The following PTPRF variants were observed in gnomAD, a reference collection of about 807,000 sequenced individuals.
PTPRF encodes the protein protein tyrosine phosphatase receptor type F.
PTPRF carries 59 observed loss-of-function variants against 201.8 expected under a neutral mutation model. That is an observed-to-expected ratio of 0.29 (90% CI 0.24 to 0.36). PTPRF has a LOEUF of 0.36. PTPRF is among the 10% of genes least tolerant of loss of function. The pLI, the probability that PTPRF is intolerant of heterozygous loss-of-function variation, is 1.00. For missense variants in PTPRF, 2,132 were observed against 2,690.5 expected (o/e 0.79, Z 4.59); for synonymous variants, 1,088 against 1,089.7 (o/e 1.00, Z 0.03).
intron 12 of PTPRF, 159 bp from the exon 13 acceptor site, chr1:43,598,561 T>G: frequency 1.4e-6 from 1 of 695,460 alleles, no homozygotes. Flanking sequence ...AGAGGGAGCC[T>G]TCCGTGTGCC....
At chr1:43,544,124 C>T (rs1163785878) in intron 2 of PTPRF, among the ~76,000 whole-genome samples, 1 of 152,230 alleles carries the variant, frequency 6.6e-6, no homozygotes, top group Non-Finnish European at 1.5e-5. Flanking sequence ...CAGCCAGTCC[C>T]AGACGCTACT....
intron 22 of PTPRF, 140 bp downstream of exon 22, chr1:43,609,638 C>A (rs770044501): frequency 4.9e-5 from 31 of 638,206 alleles, no homozygotes; most frequent in Non-Finnish European, 8.2e-5. Context: ...TTCTGCCCTT[C>A]TCCCTGTGCT....
At position 43,603,881 on chromosome 1, in the gene PTPRF, C is replaced by A. The variant is rs1654402454; in HGVS notation, c.2729C>A (p.Thr910Asn). ...GAGGAGTTCGAGAAGGAGATCAGGACCCCCGAGGACCTGCCCAGCGGCTTC... is the reference window on the plus strand; with the variant it reads ...GAGGAGTTCGAGAAGGAGATCAGGAACCCCGAGGACCTGCCCAGCGGCTTC... ...LGEEFEKEIR[T>N]PEDLPSGFPQ... The change falls in exon 16 of 34, where the codon ACC becomes AAC. Residue 910 changes from threonine (T) to asparagine (N), a missense_variant. Physicochemically the swap from Thr to Asn is moderately conservative, Grantham distance 65 (BLOSUM62 0). Transcript: ENST00000359947. This position sits in a 1 kb window ranked among gnomAD's most constrained non-coding sequence, Gnocchi z 5.8. 6.2e-7 allele frequency: 1 copy of A among 1,613,926 alleles called. No individual in the cohort carries two copies. Among genetic ancestry groups the A allele is most frequent in the South Asian group, 1.1e-5 (1 of 91,088 alleles).
At chr1:43,556,511 C>T (rs141902724) in intron 5 of PTPRF, among the ~76,000 whole-genome samples, 1 of 152,192 alleles carries the variant, frequency 6.6e-6, no homozygotes, top group African/African-American at 2.4e-5. Flanking sequence ...CCTTGGCCTC[C>T]CAAAGTGCTG....
At chr1:43,570,367 G>C (rs1646485727) in intron 6 of PTPRF, among the ~76,000 whole-genome samples, 1 of 152,250 alleles carries the variant, frequency 6.6e-6, no homozygotes, top group Non-Finnish European at 1.5e-5. Context: ...TGCCTGTGAG[G>C]CTCCTGCCAG....
At position 43,579,310 on chromosome 1, in the gene PTPRF, TCC is replaced by T. The variant is rs761566709; in HGVS notation, c.679+391_679+392del. 7 of 437,000 alleles carry T rather than the reference TCC, an allele frequency of 1.6e-5. No homozygotes were observed. The East Asian group carries it at 4.8e-4, about 30-fold the overall frequency. The allele number at this position is 437,000 out of a possible 1,614,324, so 27.1% of individuals were successfully genotyped here. A position where few individuals can be genotyped will look rare whatever the true frequency, so the allele number is the denominator to read the frequency against. ...AATGCATGCATACCTGGCCTGGCTT[TCC>T]TTCAGTACATCCTCCTGCCTGCCGC... On this transcript the variant is annotated intron_variant, in intron 7 of 33. Transcript: ENST00000359947.
chr1:43,574,979 G>T (rs570238521), intron 6 of PTPRF, among the ~76,000 whole-genome samples: 1 of 152,192 alleles, frequency 6.6e-6, no homozygotes. Flanking sequence ...TCCATGAAAC[G>T]GATTGGTGTT....
rs200578523 is a variant in PTPRF at position 43,620,504 on chromosome 1, C to T, written c.5289C>T (p.Tyr1763=). 6.2e-7 allele frequency: 1 copy of T among 1,613,642 alleles called. No individual in the cohort carries two copies. The highest frequency in any genetic ancestry group is 2.2e-5 in the East Asian group (1 of 44,884). ...CAGAGCGCTCTGCTCGCTACCAGTACTTTGTTGTTGACCCGATGGCTGAGT... is the reference window on the plus strand; with the variant it reads ...CAGAGCGCTCTGCTCGCTACCAGTATTTTGTTGTTGACCCGATGGCTGAGT... ...WPAERSARYQ[Y]FVVDPMAEYN... Residue 1763 remains tyrosine, a synonymous_variant, in exon 31 of 34, where the codon TAC becomes TAT. Coordinates refer to ENST00000359947, the MANE Select transcript of PTPRF (RefSeq NM_002840.5).
upstream of PTPRF, among the ~76,000 whole-genome samples, chr1:43,525,569 G>A (rs906925180): frequency 5.3e-5 from 8 of 152,032 alleles, no homozygotes; most frequent in Non-Finnish European, 1.0e-4. Context: ...TTGGGAGGCC[G>A]AGGCAGGCAG....
chr1:43,554,365 C>T lies in PTPRF; in HGVS notation c.379+424C>T, dbSNP rs1645217238. On this transcript the variant is annotated intron_variant, in intron 5 of 33. Transcript: ENST00000359947. This position sits in a 1 kb window ranked among gnomAD's most constrained non-coding sequence, Gnocchi z 4.1. ...TGTGAGCTGAGGGCTGGGGCTCTGT[C>T]CGTGGATTTTAGTGTCTTCTCTCAC... 1.3e-5 allele frequency among the ~76,000 whole-genome samples: 2 copies of T among 152,108 alleles called. No homozygotes were observed. Among genetic ancestry groups the T allele is most frequent in the South Asian group, 4.1e-4 (2 of 4,822 alleles).
intron 5 of PTPRF, among the ~76,000 whole-genome samples, chr1:43,557,655 C>G (rs977429940): frequency 6.6e-6 from 1 of 151,280 alleles, no homozygotes; most frequent in African/African-American, 2.4e-5. Flanking sequence ...AAAAGAGGAC[C>G]TGCAGGAGGT....
intron 14 of PTPRF, 116 bp downstream of exon 14, chr1:43,602,213 C>A: frequency 7.7e-7 from 1 of 1,301,144 alleles, no homozygotes; most frequent in South Asian, 1.2e-5. Flanking sequence ...AGGGCTCTAG[C>A]CACATCAGGA....
chr1:43,531,586 G>A (rs1439172889), intron 1 of PTPRF, among the ~76,000 whole-genome samples: 4 of 149,394 alleles, frequency 2.7e-5, no homozygotes, highest in Non-Finnish European at 4.5e-5. Flanking sequence ...AGCCGGCGGG[G>A]GATCCGCAGC....
In PTPRF at chr1:43,537,784, TTTG is replaced by T. The variant is rs1032798113; in HGVS notation, c.-125-413_-125-411del. ...GGGAGACAGGAAGAAATTTGGCACATTTGAGGATCAGAAGAGGAAGTTCCCGTT... is the reference window on the plus strand; with the variant it reads ...GGGAGACAGGAAGAAATTTGGCACATAGGATCAGAAGAGGAAGTTCCCGTT... On this transcript the variant is annotated intron_variant, in intron 1 of 33. Coordinates refer to ENST00000359947, the MANE Select transcript of PTPRF (RefSeq NM_002840.5). This position sits in a 1 kb window ranked among gnomAD's most constrained non-coding sequence, Gnocchi z 4.8. Among the ~76,000 whole-genome samples, 2 of 151,984 alleles carry T rather than the reference TTTG, an allele frequency of 1.3e-5. No individual in the cohort carries two copies. The highest frequency in any genetic ancestry group is 2.9e-5 in the Non-Finnish European group (2 of 67,968).
chr1:43,613,696 A>G lies in PTPRF; in HGVS notation c.4052A>G (p.Lys1351Arg), dbSNP rs1220050094. The change falls in exon 23 of 34, where the codon AAG becomes AGG. Residue 1351 changes from lysine to arginine, a missense_variant. This residue lies in a region of PTPRF where 818 missense variants were observed against 915.3 expected (regional missense o/e 0.89). Coordinates refer to ENST00000359947, the MANE Select transcript of PTPRF (RefSeq NM_002840.5). ...CGCCTCAAAGCCAACGATGGCCTCAAGTTCTCCCAGGAGTATGAGGTGAGA... is the reference window on the plus strand; with the variant it reads ...CGCCTCAAAGCCAACGATGGCCTCAGGTTCTCCCAGGAGTATGAGGTGAGA... ...IERLKANDGL[K>R]FSQEYESIDP... 6.2e-7 allele frequency: 1 copy of G among 1,614,050 alleles called. No homozygotes were observed. The highest frequency in any genetic ancestry group is 1.1e-5 in the South Asian group (1 of 91,068).
Position 43,591,968 on chromosome 1 carries a change from G to A in PTPRF, c.1668+20G>A, listed in dbSNP as rs770140646. ...CAACAGGTGTGCAGCGGGCAGAGAAGCACTGAGGGGGTCTCCTGGTCCCTG... is the reference window on the plus strand; with the variant it reads ...CAACAGGTGTGCAGCGGGCAGAGAAACACTGAGGGGGTCTCCTGGTCCCTG... On this transcript the variant is annotated intron_variant, in intron 10 of 33. Transcript: ENST00000359947. 7.4e-6 allele frequency: 12 copies of A among 1,612,224 alleles called. No homozygotes were observed. Among genetic ancestry groups the A allele is most frequent in the Admixed American group, 1.7e-5 (1 of 59,994 alleles).
In PTPRF at chr1:43,623,313, C is replaced by A. The variant is rs993984319; in HGVS notation, c.*1310C>A. 1 of 152,652 alleles carries A rather than the reference C, an allele frequency of 6.6e-6. No individual in the cohort carries two copies. The highest frequency in any genetic ancestry group is 1.5e-5 in the Non-Finnish European group (1 of 68,046). 9.5% of individuals were successfully genotyped at this position (152,652 alleles called of 1,614,324 possible). ...CCAATGTGGCAAGACTACTGGACTT[C>A]TATCAATGGTACTCTAATCAGTCCT... On this transcript the variant is annotated 3_prime_UTR_variant, in exon 34 of 34. Coordinates refer to ENST00000359947, the MANE Select transcript of PTPRF (RefSeq NM_002840.5).
chr1:43,609,346 C>T lies in PTPRF; in HGVS notation c.3858-37C>T, dbSNP rs778473345. On this transcript the variant is annotated intron_variant, in intron 21 of 33. Coordinates refer to ENST00000359947, the MANE Select transcript of PTPRF (RefSeq NM_002840.5). ...CCATGTGTCACTGTCTCAGCCTGGA[C>T]CTCAGGTTCTCACCAGCCTCCCTTC... 15 of 1,568,566 alleles carry T rather than the reference C, an allele frequency of 9.6e-6. No homozygotes were observed. The East Asian group carries it at 2.9e-4, about 30-fold the overall frequency.
chr1:43,620,654 T>A, intron 31 of PTPRF, 75 bp downstream of exon 31: 1 of 1,573,502 alleles, frequency 6.4e-7, no homozygotes, highest in Non-Finnish European at 8.7e-7. Context: ...GCATGGTACC[T>A]TAGCTCAAGC....
Sources: gnomAD v4.1 joint callset for allele counts (sites outside exome capture counted in the v4.1 genomes callset) on GRCh38, gnomAD v4.1.1 for gene constraint, gnomAD v4.1.1 regional missense constraint, Gnocchi (gnomAD v3.1) non-coding constraint, MANE v1.5 for transcripts, NCBI Gene and HGNC (gene_info 2026-07-23, HGNC 2026-07-21) for gene names.